The following JARID2 variants were observed in gnomAD, a reference collection of about 807,000 sequenced individuals.
JARID2 encodes protein Jumonji.
Under a neutral mutation model 125.6 loss-of-function variants are expected in JARID2, and 21 were observed. The ratio of observed to expected loss-of-function variants is 0.17; its 90% CI spans 0.12 to 0.24. The LOEUF (loss-of-function observed/expected upper bound fraction) is 0.24. Among genes scored for constraint, JARID2 ranks in the 10% least tolerant of loss-of-function variants. JARID2 has a pLI of 1.00. For synonymous variants in JARID2, 736 were observed against 661.6 expected, an observed-to-expected ratio of 1.11 and a Z score of -1.73; for missense variants, 1,303 against 1,639.6, an observed-to-expected ratio of 0.79 and a Z score of 3.55.
chr6:15,368,835 A>G (rs1398234820), intron 1 of JARID2: 5 of 428,124 alleles, frequency 1.2e-5, no homozygotes, highest in East Asian at 7.1e-5. Flanking sequence ...TCTGATGTAT[A>G]TAGGCACAGG....
intron 7 of JARID2, 69 bp from the exon 8 acceptor site, chr6:15,500,838 T>G: frequency 1.4e-6 from 2 of 1,379,382 alleles, no homozygotes; most frequent in Non-Finnish European, 1.0e-6. Context: ...AAGTACAGGT[T>G]GAATGAGGAA....
chr6:15,468,852 T>C (rs1581606982), intron 5 of JARID2, 134 bp downstream of exon 5: 3 of 781,886 alleles, frequency 3.8e-6, no homozygotes, highest in South Asian at 1.9e-5. Flanking sequence ...AGACACTTCA[T>C]GGGCAAAGGG....
At chr6:15,300,316 T>C (rs547488239) in intron 1 of JARID2, among the ~76,000 whole-genome samples, 4 of 152,132 alleles carry the variant, frequency 2.6e-5, no homozygotes, top group African/African-American at 9.7e-5. Context: ...TAAGGAAAGG[T>C]GTATAACAAT....
intron 11 of JARID2, among the ~76,000 whole-genome samples, 160 bp downstream of exon 11, chr6:15,507,576 A>G (rs1331168386): frequency 1.3e-5 from 2 of 152,230 alleles, no homozygotes; most frequent in African/African-American, 4.8e-5. Flanking sequence ...AAAAGAAAGG[A>G]GTAACATAAT....
intron 8 of JARID2, among the ~76,000 whole-genome samples, chr6:15,502,030 C>G (rs1685409971): frequency 6.6e-6 from 1 of 152,356 alleles, no homozygotes; most frequent in Non-Finnish European, 1.5e-5. Context: ...CAGGTCCTCT[C>G]TGTGGAGAGC....
intron 5 of JARID2, among the ~76,000 whole-genome samples, chr6:15,485,055 G>A (rs997015872): frequency 3.9e-5 from 6 of 152,166 alleles, no homozygotes; most frequent in Non-Finnish European, 8.8e-5. Context: ...ATGATTGATG[G>A]TTTCTGACAA....
At chr6:15,519,102 G>A (rs1337073751) in intron 17 of JARID2, among the ~76,000 whole-genome samples, 1 of 152,212 alleles carries the variant, frequency 6.6e-6, no homozygotes, top group African/African-American at 2.4e-5. Context: ...TCTGGGGCAG[G>A]TGCTGCCCAC....
At chr6:15,414,609 C>A (rs578020927) in intron 3 of JARID2, among the ~76,000 whole-genome samples, 1 of 152,230 alleles carries the variant, frequency 6.6e-6, no homozygotes, top group South Asian at 2.1e-4. Context: ...GAAAGCCAGT[C>A]CCCCTTCAGA....
At chr6:15,407,908 C>A (rs952251358) in intron 2 of JARID2, among the ~76,000 whole-genome samples, 1 of 152,132 alleles carries the variant, frequency 6.6e-6, no homozygotes, top group African/African-American at 2.4e-5. Context: ...CAGAATTGAT[C>A]CCTTTTTTGC....
At chr6:15,455,407 TC>T (rs1295839142) in intron 4 of JARID2, among the ~76,000 whole-genome samples, 1 of 152,152 alleles carries the variant, frequency 6.6e-6, no homozygotes, top group African/African-American at 2.4e-5. Flanking sequence ...ACATTCAACA[TC>T]CTCCTTCTGG....
chr6:15,491,164 AG>A (rs1477999190), intron 6 of JARID2, among the ~76,000 whole-genome samples: 2 of 152,278 alleles, frequency 1.3e-5, no homozygotes, highest in African/African-American at 4.8e-5. Context: ...TTTTTAAAAA[AG>A]TTAAAGGTTT....
chr6:15,360,559 T>C (rs552317561), intron 1 of JARID2, among the ~76,000 whole-genome samples: 12 of 152,278 alleles, frequency 7.9e-5, no homozygotes, highest in Non-Finnish European at 1.6e-4. Context: ...CATAGCTCAC[T>C]GTAACCTCAG....
chr6:15,458,490 CT>C (rs1217525394), intron 4 of JARID2, among the ~76,000 whole-genome samples: 1 of 152,194 alleles, frequency 6.6e-6, no homozygotes, highest in African/African-American at 2.4e-5. Context: ...AACTGCCTGC[CT>C]TTTGTTTCTT....
rs112702242 is a variant in JARID2, at chr6:15,285,779, C to G, written c.45+39195C>G. ...GCATACAGTAAGTGTGATTTCTAGC[C>G]ATGCATCCTTTTAAAAAAATTCATC... On this transcript the variant is annotated intron_variant, in intron 1 of 17. Transcript: ENST00000341776. Among the ~76,000 whole-genome samples, 386 of 152,206 alleles carry G rather than the reference C, an allele frequency of 2.5e-3. 4 individuals carry two copies. Among genetic ancestry groups the G allele is most frequent in the African/African-American group, 8.8e-3 (365 of 41,512 alleles).
chr6:15,408,278 C>A (rs1765731583), intron 2 of JARID2, among the ~76,000 whole-genome samples: 1 of 152,164 alleles, frequency 6.6e-6, no homozygotes, highest in Non-Finnish European at 1.5e-5. Flanking sequence ...ATTTGAACTC[C>A]ACCAAGACGA....
intron 1 of JARID2, among the ~76,000 whole-genome samples, chr6:15,277,382 C>T (rs1026024948): frequency 1.3e-5 from 2 of 152,116 alleles, no homozygotes; most frequent in African/African-American, 4.8e-5. Context: ...CTTCAACCTC[C>T]CAAAGTGCTG....
At chr6:15,382,668 T>C (rs1764634381) in intron 2 of JARID2, among the ~76,000 whole-genome samples, 1 of 152,182 alleles carries the variant, frequency 6.6e-6, no homozygotes, top group South Asian at 2.1e-4. Flanking sequence ...CTGGAAGGAA[T>C]GGATCATGCT....
In JARID2 at chr6:15,496,742, A is replaced by G; in HGVS notation, c.1517A>G (p.Lys506Arg). The change falls in exon 7 of 18, where the codon AAG becomes AGG. Residue 506 changes from lysine (K) to arginine (R), a missense_variant. By Grantham distance (26) the Lys-to-Arg change is conservative. Coordinates refer to ENST00000341776, the MANE Select transcript of JARID2 (RefSeq NM_004973.4). The stretch of plus-strand genomic sequence containing the variant: ...CGGCCGAAGCGGGCCACGGCCGGGA[A>G]GAGCACGCCAGGCAGACAAGCACAT... ...RNRPKRATAG[K>R]STPGRQAHGK... 1 of 1,613,724 alleles carries G rather than the reference A, an allele frequency of 6.2e-7. No individual in the cohort carries two copies. The highest frequency in any genetic ancestry group is 1.6e-4 in the Middle Eastern group (1 of 6,062).
chr6:15,393,988 G>T (rs1477768338), intron 2 of JARID2, among the ~76,000 whole-genome samples: 1 of 151,984 alleles, frequency 6.6e-6, no homozygotes, highest in Non-Finnish European at 1.5e-5. Flanking sequence ...ATTTCTGCTT[G>T]TTAAATTCAG....
Sources: allele counts gnomAD v4.1 joint callset (sites outside exome capture counted in the v4.1 genomes callset), GRCh38; gene constraint gnomAD v4.1.1; transcripts MANE v1.5; gene names NCBI Gene and HGNC (gene_info 2026-07-23, HGNC 2026-07-21).